Variants in RAB38 observed in about 807,000 individuals in gnomAD.
RAB38 encodes the protein RAB38, member RAS oncogene family, also known as ras-related protein Rab-38.
RAB38 carries 15 observed loss-of-function variants against 18.4 expected under a neutral mutation model. The ratio of observed to expected loss-of-function variants is 0.82; its 90% CI spans 0.55 to 1.26. The LOEUF is 1.26. Ranked by LOEUF, RAB38 falls within the 50% of genes most tolerant of loss-of-function variation. The pLI is 0.00. For missense variants in RAB38, 294 were observed against 267.4 expected, an observed-to-expected ratio of 1.10 and a Z score of -0.69; for synonymous variants, 101 against 104.4, an observed-to-expected ratio of 0.97 and a Z score of 0.20.
At chr11:88,142,734 C>T (rs1432424787) in intron 2 of RAB38, among the ~76,000 whole-genome samples, 1 of 152,144 alleles carries the variant, frequency 6.6e-6, no homozygotes, top group African/African-American at 2.4e-5. Flanking sequence ...AAAGAATGTC[C>T]ATTGCATTAT....
At chr11:87,971,443 T>C in the RAB38 span, among the ~76,000 whole-genome samples, 1 of 152,128 alleles carries the variant, frequency 6.6e-6, no homozygotes, top group African/African-American at 2.4e-5. Flanking sequence ...GCCACTAATA[T>C]GTCTGCAAAT....
Position 88,113,314 on chromosome 11 carries a change from C to T in RAB38, c.*674G>A, listed in dbSNP as rs1416685878. ...GCAAAAATATATATAATATATATTA[C>T]ATGTATAGCATGTATAGAGGAGCCC... On this transcript the variant is annotated 3_prime_UTR_variant, in exon 3 of 3. Coordinates refer to ENST00000243662, the MANE Select transcript of RAB38 (RefSeq NM_022337.3). 1 of 152,230 alleles carries T rather than the reference C, an allele frequency of 6.6e-6. No individual in the cohort carries two copies. The highest frequency in any genetic ancestry group is 1.5e-5 in the Non-Finnish European group (1 of 68,022). 9.4% of individuals were successfully genotyped at this position (152,230 alleles called of 1,614,324 possible).
intron 1 of RAB38, chr11:88,173,812 A>C: frequency 2.0e-6 from 2 of 985,436 alleles, no homozygotes; most frequent in Non-Finnish European, 2.4e-6. Flanking sequence ...ATGACTCCAA[A>C]TGCATGAATC....
At chr11:87,855,927 A>T in the RAB38 span, among the ~76,000 whole-genome samples, 1 of 152,074 alleles carries the variant, frequency 6.6e-6, no homozygotes, top group Non-Finnish European at 1.5e-5. Context: ...GCAACATGTA[A>T]TCTTGGGGGT....
chr11:87,927,367 T>C, the RAB38 span, among the ~76,000 whole-genome samples: 1 of 152,108 alleles, frequency 6.6e-6, no homozygotes, highest in Non-Finnish European at 1.5e-5. Context: ...TAAATGAGTT[T>C]CTTTCTTTTC....
At chr11:88,122,843 C>G (rs1409927953) in intron 2 of RAB38, among the ~76,000 whole-genome samples, 1 of 152,144 alleles carries the variant, frequency 6.6e-6, no homozygotes, top group African/African-American at 2.4e-5. Context: ...AGACTGAGGA[C>G]TGAGACTGGT....
chr11:88,132,430 A>G (rs1942777001), intron 2 of RAB38, among the ~76,000 whole-genome samples: 1 of 152,154 alleles, frequency 6.6e-6, no homozygotes, highest in Non-Finnish European at 1.5e-5. Flanking sequence ...AATATAGACG[A>G]ACACAATTCT....
chr11:88,125,478 T>A (rs1942683886), intron 2 of RAB38, among the ~76,000 whole-genome samples: 1 of 152,196 alleles, frequency 6.6e-6, no homozygotes, highest in South Asian at 2.1e-4. Context: ...GTTCAGTATA[T>A]CCTCTAGCTT....
At chr11:87,946,497 C>G in the RAB38 span, among the ~76,000 whole-genome samples, 8 of 152,036 alleles carry the variant, frequency 5.3e-5, no homozygotes, top group Non-Finnish European at 8.8e-5. Context: ...CCATTAACTC[C>G]TCATTTAGCA....
the RAB38 span, among the ~76,000 whole-genome samples, chr11:87,855,754 A>G: frequency 1.3e-5 from 2 of 152,164 alleles, no homozygotes; most frequent in Admixed American, 6.6e-5. Flanking sequence ...AAAATATCCT[A>G]TGCCTTCCAA....
chr11:88,041,936 G>C, the RAB38 span, among the ~76,000 whole-genome samples: 1 of 152,044 alleles, frequency 6.6e-6, no homozygotes. Context: ...CAAGCTATGA[G>C]GTGCCAGTGG....
the RAB38 span, among the ~76,000 whole-genome samples, chr11:87,943,054 G>C: frequency 6.6e-6 from 1 of 152,052 alleles, no homozygotes; most frequent in Non-Finnish European, 1.5e-5. Context: ...TCGTAAAAAT[G>C]AATGAAGTGA....
At chr11:87,923,294 G>A in the RAB38 span, among the ~76,000 whole-genome samples, 2 of 151,958 alleles carry the variant, frequency 1.3e-5, no homozygotes, top group Admixed American at 6.6e-5. Context: ...TAGCTAAGTG[G>A]AAATGCTAGA....
rs535335669 is a variant in RAB38 at position 88,114,105 on chromosome 11, C to T, written c.519G>A (p.Leu173=). 2.5e-6 allele frequency: 4 copies of T among 1,614,182 alleles called. No individual in the cohort carries two copies. The African/African-American group carries it at 4.0e-5, about 16-fold the overall frequency. ...NINIDEASRC[L]VKHILANECD... ...ACTCATTTGCAAGTATGTGTTTCAC[C>T]AGGCATCTGGAGGCTTCATCAATGT... is the stretch of plus-strand genomic sequence containing the variant. The change falls in exon 3 of 3, where the codon CTG becomes CTA. Residue 173 remains leucine (L), a synonymous_variant. Coordinates refer to ENST00000243662, the MANE Select transcript of RAB38 (RefSeq NM_022337.3).
At chr11:88,014,085 C>G in the RAB38 span, among the ~76,000 whole-genome samples, 3 of 152,144 alleles carry the variant, frequency 2.0e-5, no homozygotes, top group South Asian at 4.2e-4. Context: ...CTCTTGCTCT[C>G]CAGTATCAAA....
At chr11:87,942,965 A>G in the RAB38 span, among the ~76,000 whole-genome samples, 8,347 of 152,284 alleles carry the variant, frequency 0.055, 330 homozygotes, top group Non-Finnish European at 0.086. Context: ...AATGCAGGGA[A>G]CCTGGGAACT....
the RAB38 span, among the ~76,000 whole-genome samples, chr11:88,014,627 A>AC: frequency 6.6e-6 from 1 of 151,972 alleles, no homozygotes; most frequent in Non-Finnish European, 1.5e-5. Flanking sequence ...TTCTCCCATC[A>AC]CCCATACCTA....
At chr11:87,970,985 G>C in the RAB38 span, among the ~76,000 whole-genome samples, 28 of 152,184 alleles carry the variant, frequency 1.8e-4, 1 homozygote, top group South Asian at 5.8e-3. Context: ...AAAAAACAAA[G>C]AGAGCACCTG....
the RAB38 span, among the ~76,000 whole-genome samples, chr11:87,955,509 A>G: frequency 6.6e-6 from 1 of 152,164 alleles, no homozygotes; most frequent in Admixed American, 6.5e-5. Context: ...CTAAAATAAA[A>G]GTTAAAATTA....
Sources: gnomAD v4.1 joint callset for allele counts (sites outside exome capture counted in the v4.1 genomes callset) on GRCh38, gnomAD v4.1.1 for gene constraint, MANE v1.5 for transcripts, NCBI Gene and HGNC (gene_info 2026-07-23, HGNC 2026-07-21) for gene names.